DGKI: variants seen among roughly 807,000 people sequenced by gnomAD.
The protein encoded by DGKI is diacylglycerol kinase iota, also known as DAG kinase iota.
DGKI carries 55 observed loss-of-function variants against 147.5 expected under a neutral mutation model. The ratio of observed to expected loss-of-function variants is 0.37; its 90% CI spans 0.30 to 0.47. The LOEUF (loss-of-function observed/expected upper bound fraction) is 0.47, where lower values mean the gene tolerates loss of function less well. DGKI is among the 20% of genes least tolerant of loss of function. The pLI is 1.00. For synonymous variants in DGKI, 469 were observed against 477.1 expected, an observed-to-expected ratio of 0.98 and a Z score of 0.22; for missense variants, 1,007 against 1,323.8, an observed-to-expected ratio of 0.76 and a Z score of 3.71.
At chr7:137,616,100 A>G (rs958168245) in intron 8 of DGKI, among the ~76,000 whole-genome samples, 4 of 152,168 alleles carry the variant, frequency 2.6e-5, no homozygotes, top group African/African-American at 4.8e-5. Context: ...CTACAGAAAG[A>G]TAGTGAGGCA....
At chr7:137,408,218 C>T (rs1209798623) in intron 29 of DGKI, among the ~76,000 whole-genome samples, 1 of 152,154 alleles carries the variant, frequency 6.6e-6, no homozygotes, top group Non-Finnish European at 1.5e-5. Context: ...GGGTATTGAA[C>T]AGGCTAGGGA....
At chr7:137,694,414 TG>T (rs1823718099) in intron 1 of DGKI, among the ~76,000 whole-genome samples, 1 of 152,188 alleles carries the variant, frequency 6.6e-6, no homozygotes, top group Admixed American at 6.5e-5. Context: ...CAATTTCCTC[TG>T]GTTCCAGTTT....
chr7:137,473,332 C>T (rs1423167317), intron 23 of DGKI, among the ~76,000 whole-genome samples: 1 of 152,050 alleles, frequency 6.6e-6, no homozygotes, highest in Non-Finnish European at 1.5e-5. Flanking sequence ...ACACATGGGT[C>T]GCCATAAAGC....
intron 28 of DGKI, among the ~76,000 whole-genome samples, chr7:137,431,752 T>C (rs1466776780): frequency 6.6e-6 from 1 of 152,220 alleles, no homozygotes; most frequent in East Asian, 1.9e-4. Flanking sequence ...GAAGAGGCCT[T>C]AGAAGGCAGC....
At chr7:137,571,439 T>G (rs1350252831) in intron 18 of DGKI, among the ~76,000 whole-genome samples, 153 bp from the exon 19 acceptor site, 2 of 152,252 alleles carry the variant, frequency 1.3e-5, no homozygotes, top group South Asian at 2.1e-4. Flanking sequence ...GGAAATGCAC[T>G]TCTTATCATC....
At chr7:137,426,466 C>T (rs112662374) in intron 28 of DGKI, among the ~76,000 whole-genome samples, 3 of 152,122 alleles carry the variant, frequency 2.0e-5, no homozygotes, top group Non-Finnish European at 2.9e-5. Flanking sequence ...TAAAGACCAT[C>T]GAGGCTAGGA....
chr7:137,596,030 A>AG (rs1563103530), intron 12 of DGKI, among the ~76,000 whole-genome samples: 30 of 132,864 alleles, frequency 2.3e-4, no homozygotes, highest in African/African-American at 9.5e-4. Flanking sequence ...AAAAAAAAAA[A>AG]AAAGAAAGAA....
intron 1 of DGKI, among the ~76,000 whole-genome samples, chr7:137,697,115 A>G (rs1823817206): frequency 6.6e-6 from 1 of 152,198 alleles, no homozygotes; most frequent in African/African-American, 2.4e-5. Flanking sequence ...GAACTGTGAG[A>G]CAATACATTT....
At chr7:137,396,896 A>C (rs987927113) in intron 31 of DGKI, among the ~76,000 whole-genome samples, 1 of 152,238 alleles carries the variant, frequency 6.6e-6, no homozygotes, top group Non-Finnish European at 1.5e-5. Context: ...CAGAAGACAG[A>C]AAATAGAGTG....
At chr7:137,654,390 C>T (rs1585332991) in intron 5 of DGKI, among the ~76,000 whole-genome samples, 1 of 152,158 alleles carries the variant, frequency 6.6e-6, no homozygotes, top group African/African-American at 2.4e-5. Context: ...TCAACCAGAA[C>T]ACATGGCAAC....
chr7:137,412,103 G>C (rs915780668), intron 29 of DGKI, 67 bp downstream of exon 29: 4 of 1,414,480 alleles, frequency 2.8e-6, no homozygotes, highest in Non-Finnish European at 4.0e-6. Flanking sequence ...ATAGAGTTTT[G>C]ATGAGGAATG....
chr7:137,424,018 C>A (rs958470079), intron 28 of DGKI, among the ~76,000 whole-genome samples: 15 of 152,170 alleles, frequency 9.9e-5, no homozygotes, highest in Admixed American at 2.6e-4. Flanking sequence ...CTCCCCTAGA[C>A]CCACCCCTAC....
chr7:137,449,906 G>C (rs1813884593), intron 27 of DGKI, among the ~76,000 whole-genome samples: 1 of 152,014 alleles, frequency 6.6e-6, no homozygotes, highest in Non-Finnish European at 1.5e-5. Context: ...CGTACAAATG[G>C]ATAAAGAAAA....
chr7:137,518,596 A>G (rs1319873985), intron 21 of DGKI, among the ~76,000 whole-genome samples: 4 of 152,202 alleles, frequency 2.6e-5, no homozygotes, highest in South Asian at 4.1e-4. Flanking sequence ...TCTGTTTTCA[A>G]TTGGCTTCAA....
In DGKI at chr7:137,411,089, AG is replaced by A. The variant is rs779450748; in HGVS notation, c.2799+1080del. The stretch of plus-strand genomic sequence containing the variant: ...TTGTCCAACAGATGCGCCTAAAAAA[AG>A]TTATGTCTGAGGGTAGGACTGTTCA... On this transcript the variant is annotated intron_variant, in intron 29 of 32. Transcript: ENST00000614521. Among the ~76,000 whole-genome samples the A allele has an allele frequency of 2.0e-5, 3 of 152,222 alleles. No homozygotes were observed. The South Asian group carries it at 6.2e-4, about 31-fold the overall frequency.
At chr7:137,459,872 C>A (rs958120715) in intron 27 of DGKI, among the ~76,000 whole-genome samples, 3 of 152,154 alleles carry the variant, frequency 2.0e-5, no homozygotes, top group Non-Finnish European at 4.4e-5. Context: ...CATTTCTTTA[C>A]ACTGGGATTC....
intron 1 of DGKI, among the ~76,000 whole-genome samples, chr7:137,817,770 T>C (rs1297518743): frequency 6.6e-6 from 1 of 152,248 alleles, no homozygotes; most frequent in Non-Finnish European, 1.5e-5. Flanking sequence ...GCAAACTGTA[T>C]CTGAGTGAGG....
intron 1 of DGKI, among the ~76,000 whole-genome samples, chr7:137,749,068 A>T (rs1164878251): frequency 3.3e-5 from 5 of 152,210 alleles, no homozygotes; most frequent in African/African-American, 1.2e-4. Context: ...AAGACAACAG[A>T]ATATACTATT....
At chr7:137,828,851 T>TACAA (rs1218819223) in intron 1 of DGKI, among the ~76,000 whole-genome samples, 26 of 152,322 alleles carry the variant, frequency 1.7e-4, no homozygotes, top group African/African-American at 6.0e-4. Flanking sequence ...AAATATTTAT[T>TACAA]TAACATGATG....
Sources: allele counts gnomAD v4.1 joint callset (sites outside exome capture counted in the v4.1 genomes callset), GRCh38; gene constraint gnomAD v4.1.1; transcripts MANE v1.5; gene names NCBI Gene and HGNC (gene_info 2026-07-23, HGNC 2026-07-21).